The following TM4SF5 variants were observed in gnomAD, a reference collection of about 807,000 sequenced individuals.
TM4SF5 encodes the protein transmembrane 4 L six family member 5, also known as transmembrane 4 L6 family member 5.
A neutral mutation model predicts 22.3 loss-of-function variants in TM4SF5; 16 were observed. That is an observed-to-expected ratio of 0.72 (90% CI 0.49 to 1.09). TM4SF5 has a LOEUF of 1.09. Ranked by LOEUF, TM4SF5 falls within the 50% of genes least tolerant of loss-of-function variation. The probability of loss-of-function intolerance (pLI) is 0.00; values close to 1 mark genes in which losing one functional copy is unlikely to be tolerated. For synonymous variants in TM4SF5, 113 were observed against 109.6 expected (o/e 1.03, Z -0.19); for missense variants, 249 against 266.1 (o/e 0.94, Z 0.45).
At chr17:4,779,818 A>G (rs939429300) in intron 1 of TM4SF5, among the ~76,000 whole-genome samples, 7 of 152,184 alleles carry the variant, frequency 4.6e-5, no homozygotes, top group African/African-American at 1.7e-4. Flanking sequence ...TTTTGGAGGC[A>G]ACTTCTGGCA....
intron 1 of TM4SF5, among the ~76,000 whole-genome samples, chr17:4,776,878 A>C (rs916169356): frequency 2.6e-5 from 4 of 152,140 alleles, no homozygotes; most frequent in Admixed American, 2.6e-4. Context: ...GAGAATGGGT[A>C]GTAGAAGGTC....
chr17:4,771,927 G>A lies in TM4SF5; in HGVS notation c.5G>A (p.Cys2Tyr), dbSNP rs770226089. The change falls in exon 1 of 5, where the codon TGT (cysteine) becomes TAT (tyrosine). Residue 2 changes from cysteine to tyrosine, a missense_variant. By Grantham distance (194) the Cys-to-Tyr change is radical (BLOSUM62 -2). Transcript: ENST00000270560. M[C>Y]TGKCARCVGL... is the part of the protein sequence containing the mutation. Reference sequence around the variant, plus strand: ...TGTCCTTCCTGACACCTCACCATGTGTACGGGAAAATGTGCCCGCTGTGTG... The same window carrying A: ...TGTCCTTCCTGACACCTCACCATGTATACGGGAAAATGTGCCCGCTGTGTG... The A allele has an allele frequency of 6.2e-7, 1 of 1,614,150 alleles. No individual in the cohort carries two copies. Among genetic ancestry groups the A allele is most frequent in the South Asian group, 1.1e-5 (1 of 91,076 alleles).
intron 1 of TM4SF5, among the ~76,000 whole-genome samples, chr17:4,774,421 T>C (rs1917171927): frequency 6.6e-6 from 1 of 151,910 alleles, no homozygotes; most frequent in African/African-American, 2.4e-5. Context: ...AGACACCCAA[T>C]TAATAGTCAT....
rs111961129 is a variant in TM4SF5 at position 4,775,262 on chromosome 17, C to CT, written c.177+3177dup. Among the ~76,000 whole-genome samples the CT allele has an allele frequency of 8.4e-3, 1,202 of 142,306 alleles. 9 individuals carry two copies. Among genetic ancestry groups the CT allele is most frequent in the African/African-American group, 0.02 (786 of 39,038 alleles). 93.4% of individuals were successfully genotyped at this position (142,306 alleles called of 152,430 possible). Reference sequence around the variant, plus strand: ...AGTACAACAGAAAACTATTGAAGGACTTTTTTTTTTTTTTGAGACGGAATC... The same window carrying CT: ...AGTACAACAGAAAACTATTGAAGGACTTTTTTTTTTTTTTTGAGACGGAATC... On this transcript the variant is annotated intron_variant, in intron 1 of 4. Transcript: ENST00000270560.
In TM4SF5 at chr17:4,782,419, G is replaced by T; in HGVS notation, c.259-84G>T. 1.3e-6 allele frequency: 2 copies of T among 1,536,014 alleles called. 1 individual carries two copies. The highest frequency in any genetic ancestry group is 4.5e-5 in the East Asian group (2 of 44,354). On this transcript the variant is annotated intron_variant, in intron 2 of 4. Transcript: ENST00000270560. The stretch of plus-strand genomic sequence containing the variant: ...TAACAACCCGACTGGAGCAGATTTC[G>T]ATAATGCGTGGGGGCTGGCGCTGAG...
At chr17:4,781,005 C>T in intron 2 of TM4SF5, 136 bp downstream of exon 2, 1 of 705,660 alleles carries the variant, frequency 1.4e-6, no homozygotes, top group Non-Finnish European at 2.3e-6. Context: ...ATGGCAAGAT[C>T]CCTATCTCTA....
In TM4SF5 at chr17:4,782,549, T is replaced by TCTA; in HGVS notation, c.308_310dup (p.Tyr103dup). 6.2e-7 allele frequency: 1 copy of TCTA among 1,614,052 alleles called. No individual in the cohort carries two copies. The highest frequency in any genetic ancestry group is 8.5e-7 in the Non-Finnish European group (1 of 1,179,996). On this transcript the variant is annotated inframe_insertion, in exon 3 of 5. Coordinates refer to ENST00000270560, the MANE Select transcript of TM4SF5 (RefSeq NM_003963.3). ...TCGGCGTTCGGGGTGCTTGGTGCCATCTACTGCCTCTCGGTGTCTGGAGCT... is the reference window on the plus strand; with the variant it reads ...TCGGCGTTCGGGGTGCTTGGTGCCATCTACTACTGCCTCTCGGTGTCTGGAGCT...
At chr17:4,774,080 G>A (rs1917166406) in intron 1 of TM4SF5, among the ~76,000 whole-genome samples, 1 of 152,204 alleles carries the variant, frequency 6.6e-6, no homozygotes, top group African/African-American at 2.4e-5. Context: ...AATTAGCCAG[G>A]CATAGTGGCG....
At chr17:4,777,759 A>G (rs529017568) in intron 1 of TM4SF5, among the ~76,000 whole-genome samples, 1 of 151,724 alleles carries the variant, frequency 6.6e-6, no homozygotes, top group African/African-American at 2.4e-5. Context: ...TGGCGCATGC[A>G]TGTAATCCCA....
chr17:4,779,558 T>C (rs1322945532), intron 1 of TM4SF5, among the ~76,000 whole-genome samples: 1 of 152,054 alleles, frequency 6.6e-6, no homozygotes, highest in Non-Finnish European at 1.5e-5. Context: ...TGATGAGGGA[T>C]TCAATGTGGG....
At chr17:4,774,342 C>T (rs978529666) in intron 1 of TM4SF5, among the ~76,000 whole-genome samples, 5 of 152,280 alleles carry the variant, frequency 3.3e-5, no homozygotes, top group African/African-American at 9.6e-5. Context: ...GGAAGTCCCA[C>T]GAGAGCAAGC....
rs1054888188 is a variant in TM4SF5 at position 4,772,685 on chromosome 17, G to A, written c.177+586G>A. ...AGATGAGAATCTATTTGCCAGGGGC[G>A]GAGGTGGGGGTTGGTTTTTGTGTTT... is the stretch of plus-strand genomic sequence containing the variant. On this transcript the variant is annotated intron_variant, in intron 1 of 4. Transcript: ENST00000270560. Among the ~76,000 whole-genome samples the A allele has an allele frequency of 7.9e-5, 12 of 151,778 alleles. 1 individual carries two copies. Among genetic ancestry groups the A allele is most frequent in the South Asian group, 4.2e-4 (2 of 4,818 alleles).
Position 4,782,533 on chromosome 17 carries a change from G to A in TM4SF5, c.289G>A (p.Gly97Arg), listed in dbSNP as rs749488078. The A allele has an allele frequency of 1.9e-6, 3 of 1,613,944 alleles. No homozygotes were observed. The highest frequency in any genetic ancestry group is 2.2e-5 in the East Asian group (1 of 44,888). Residue 97 changes from glycine to arginine, a missense_variant, in exon 3 of 5, where the codon GGG becomes AGG. Physicochemically the swap from Gly to Arg is moderately radical, Grantham distance 125 (BLOSUM62 -2). Transcript: ENST00000270560. Reference protein sequence around the residue: ...MLRSVFSSAFGVLGAIYCLSV... With the variant: ...MLRSVFSSAFRVLGAIYCLSV... ...GCGCTCGGTCTTCTCCTCGGCGTTC[G>A]GGGTGCTTGGTGCCATCTACTGCCT...
At position 4,771,980 on chromosome 17, in the gene TM4SF5, G is replaced by A. The variant is rs150605903; in HGVS notation, c.58G>A (p.Val20Ile). The A allele has an allele frequency of 1.3e-5, 21 of 1,614,120 alleles. 1 individual carries two copies. Among genetic ancestry groups the A allele is most frequent in the South Asian group, 9.9e-5 (9 of 91,082 alleles). Residue 20 changes from valine to isoleucine, a missense_variant, in exon 1 of 5, where the codon GTC becomes ATC. Physicochemically the swap from Val to Ile is conservative, Grantham distance 29. Coordinates refer to ENST00000270560, the MANE Select transcript of TM4SF5 (RefSeq NM_003963.3). ...VGLSLITLCL[V>I]CIVANALLLV... is the part of the protein sequence containing the mutation. ...GCTCTCCCTCATTACCCTCTGCCTC[G>A]TCTGCATTGTGGCCAACGCCCTCCT...
At chr17:4,773,046 G>A (rs971393039) in intron 1 of TM4SF5, among the ~76,000 whole-genome samples, 1 of 151,464 alleles carries the variant, frequency 6.6e-6, no homozygotes, top group African/African-American at 2.4e-5. Context: ...CTGGGATTAC[G>A]GTCACGTGCC....
chr17:4,772,784 TG>T (rs1414292642), intron 1 of TM4SF5, among the ~76,000 whole-genome samples: 1 of 150,546 alleles, frequency 6.6e-6, no homozygotes, highest in African/African-American at 2.4e-5. Context: ...GGTGCGAACA[TG>T]GCTCACTGTA....
At position 4,782,609 on chromosome 17, in the gene TM4SF5, G is replaced by A. The variant is rs533365789; in HGVS notation, c.365G>A (p.Gly122Asp). Residue 122 changes from glycine (G) to aspartate (D), a missense_variant, in exon 3 of 5, where the codon GGC becomes GAC. Transcript: ENST00000270560. ...AATGGACCCAGATGCTTAATGAACGGCGAGTGGGGCTACCACTTCGAAGAC... is the reference window on the plus strand; with the variant it reads ...AATGGACCCAGATGCTTAATGAACGACGAGTGGGGCTACCACTTCGAAGAC... ...LRNGPRCLMN[G>D]EWGYHFEDTA... The A allele has an allele frequency of 4.3e-6, 7 of 1,614,118 alleles. No homozygotes were observed. The highest frequency in any genetic ancestry group is 4.5e-5 in the East Asian group (2 of 44,878).
At position 4,772,118 on chromosome 17, in the gene TM4SF5, G is replaced by A. The variant is rs1917121716; in HGVS notation, c.177+19G>A. 1 of 1,613,890 alleles carries A rather than the reference G, an allele frequency of 6.2e-7. No individual in the cohort carries two copies. The highest frequency in any genetic ancestry group is 1.3e-5 in the African/African-American group (1 of 74,932). On this transcript the variant is annotated intron_variant, in intron 1 of 4. Transcript: ENST00000270560. ...CCTAATGGTGAGAAGGCTGGCAGGG[G>A]AGCCCGGGCCAGCTGGCTGGGTGCC... is the stretch of plus-strand genomic sequence containing the variant.
chr17:4,780,561 G>GGCCCTACCCTCTAGA (rs1917283390), intron 1 of TM4SF5, among the ~76,000 whole-genome samples: 1 of 152,106 alleles, frequency 6.6e-6, no homozygotes, highest in Non-Finnish European at 1.5e-5. Flanking sequence ...TAATGATATT[G>GGCCCTACCCTCTAGA]GGCCCTACCC....
Sources: gnomAD v4.1 joint callset for allele counts (sites outside exome capture counted in the v4.1 genomes callset) on GRCh38, gnomAD v4.1.1 for gene constraint, MANE v1.5 for transcripts, NCBI Gene and HGNC (gene_info 2026-07-23, HGNC 2026-07-21) for gene names.